Variants in TAFA1 observed in about 807,000 individuals in gnomAD.
TAFA1 encodes the protein chemokine-like protein TAFA-1.
Under a neutral mutation model 18.5 loss-of-function variants are expected in TAFA1, and 4 were observed. That is an observed-to-expected ratio of 0.22 (90% CI 0.11 to 0.49). The LOEUF (loss-of-function observed/expected upper bound fraction) is 0.49. Among genes scored for constraint, TAFA1 ranks in the 20% least tolerant of loss-of-function variants. The pLI is 0.98. For synonymous variants in TAFA1, 56 were observed against 55.2 expected (o/e 1.01, Z -0.06); for missense variants, 147 against 169.0 (o/e 0.87, Z 0.72).
intron 2 of TAFA1, among the ~76,000 whole-genome samples, chr3:68,074,042 G>A (rs1213492646): frequency 6.6e-6 from 1 of 152,146 alleles, no homozygotes; most frequent in African/African-American, 2.4e-5. Context: ...GGAGGCCTGA[G>A]CTTGCTTTCC....
At chr3:68,078,741 A>G (rs371276442) in intron 2 of TAFA1, among the ~76,000 whole-genome samples, 5 of 152,178 alleles carry the variant, frequency 3.3e-5, no homozygotes, top group East Asian at 1.9e-4. Flanking sequence ...TTTTGCATCA[A>G]TGTTCATCAA....
chr3:68,392,880 G>A (rs574274792), intron 2 of TAFA1, among the ~76,000 whole-genome samples: 90 of 152,058 alleles, frequency 5.9e-4, no homozygotes, highest in African/African-American at 1.7e-3. Context: ...AATTTATAGC[G>A]CTAAATGTCC....
chr3:68,111,426 A>T (rs1575621799), intron 2 of TAFA1, among the ~76,000 whole-genome samples: 1 of 152,136 alleles, frequency 6.6e-6, no homozygotes, highest in Admixed American at 6.6e-5. Flanking sequence ...CCAAAGTAAA[A>T]ACTAAAGAAA....
intron 2 of TAFA1, among the ~76,000 whole-genome samples, chr3:68,375,743 T>A (rs2069798451): frequency 3.9e-5 from 6 of 152,206 alleles, no homozygotes; most frequent in Admixed American, 3.9e-4. Flanking sequence ...TGCTACATAG[T>A]TTACATACAC....
intron 3 of TAFA1, among the ~76,000 whole-genome samples, chr3:68,423,976 T>C (rs1262105969): frequency 6.6e-6 from 1 of 152,002 alleles, no homozygotes; most frequent in African/African-American, 2.4e-5. Context: ...CGTCTTATAC[T>C]GGATCACCAG....
chr3:68,132,488 C>A (rs143086953), intron 2 of TAFA1, among the ~76,000 whole-genome samples: 99 of 152,288 alleles, frequency 6.5e-4, no homozygotes, highest in African/African-American at 2.2e-3. Context: ...ATTTACACTC[C>A]CACCAACAGA....
intron 3 of TAFA1, among the ~76,000 whole-genome samples, chr3:68,419,500 T>C (rs2070914634): frequency 6.6e-6 from 1 of 152,166 alleles, no homozygotes. Flanking sequence ...TGTCAAACAA[T>C]GAGTCCAAGG....
intron 2 of TAFA1, among the ~76,000 whole-genome samples, chr3:68,154,303 A>T (rs1210090196): frequency 2.0e-5 from 3 of 152,104 alleles, no homozygotes; most frequent in Non-Finnish European, 2.9e-5. Flanking sequence ...CCCATAATCC[A>T]TTGGCCAGAT....
At chr3:68,426,762 G>A (rs2071063270) in intron 3 of TAFA1, among the ~76,000 whole-genome samples, 1 of 151,758 alleles carries the variant, frequency 6.6e-6, no homozygotes, top group Non-Finnish European at 1.5e-5. Context: ...GCTGTTTCGG[G>A]TACATAATAC....
chr3:68,063,696 G>C (rs1458169103), intron 2 of TAFA1, among the ~76,000 whole-genome samples: 1 of 152,172 alleles, frequency 6.6e-6, no homozygotes, highest in Admixed American at 6.5e-5. Flanking sequence ...CTGCAGACCT[G>C]CAGTCAGATT....
chr3:68,230,345 C>A (rs919114785), intron 2 of TAFA1, among the ~76,000 whole-genome samples: 40 of 150,356 alleles, frequency 2.7e-4, no homozygotes, highest in African/African-American at 8.1e-4. Flanking sequence ...TTTTTTAATC[C>A]CACATATAAG....
At chr3:68,513,003 A>G (rs529816374) in intron 3 of TAFA1, among the ~76,000 whole-genome samples, 32 of 152,196 alleles carry the variant, frequency 2.1e-4, no homozygotes, top group African/African-American at 7.7e-4. Flanking sequence ...ATGGAGGTCC[A>G]TGTTGTGTGT....
chr3:68,373,073 A>G (rs985790856), intron 2 of TAFA1, among the ~76,000 whole-genome samples: 1 of 152,172 alleles, frequency 6.6e-6, no homozygotes, highest in African/African-American at 2.4e-5. Context: ...GAAGACATAG[A>G]TACTGCTTTT....
At chr3:68,317,842 A>G (rs1018292800) in intron 2 of TAFA1, among the ~76,000 whole-genome samples, 2 of 152,070 alleles carry the variant, frequency 1.3e-5, no homozygotes, top group Non-Finnish European at 2.9e-5. Flanking sequence ...GTTTTTATTT[A>G]TTATTTAATG....
In TAFA1 at chr3:68,422,088, C is replaced by A. The variant is rs1266706976; in HGVS notation, c.259+4668C>A. Among the ~76,000 whole-genome samples the A allele has an allele frequency of 2.6e-5, 4 of 152,026 alleles. No individual in the cohort carries two copies. The East Asian group carries it at 7.7e-4, about 29-fold the overall frequency. On this transcript the variant is annotated intron_variant, in intron 3 of 4. Coordinates refer to ENST00000478136, the MANE Select transcript of TAFA1 (RefSeq NM_213609.4). ...AATATATGTCCTTCCAGTCTTACCC[C>A]ACTACTAAAAAGCAAACTCACATTG...
chr3:68,389,992 A>G (rs1461122815), intron 2 of TAFA1, among the ~76,000 whole-genome samples: 20 of 152,050 alleles, frequency 1.3e-4, no homozygotes, highest in Admixed American at 1.2e-3. Context: ...TGGTGCCTGG[A>G]ATGCCAGTGA....
intron 1 of TAFA1, among the ~76,000 whole-genome samples, chr3:68,005,276 G>A (rs1704337711): frequency 6.6e-6 from 1 of 152,164 alleles, no homozygotes. Flanking sequence ...GTATACAAAA[G>A]TAAACAGTGG....
chr3:68,109,191 A>C (rs1450682256), intron 2 of TAFA1, among the ~76,000 whole-genome samples: 1 of 152,124 alleles, frequency 6.6e-6, no homozygotes, highest in Non-Finnish European at 1.5e-5. Flanking sequence ...AAGAAAAAAA[A>C]GGTGTTTTCT....
At chr3:68,033,790 T>A (rs1307724053) in intron 2 of TAFA1, among the ~76,000 whole-genome samples, 1 of 152,236 alleles carries the variant, frequency 6.6e-6, no homozygotes, top group Non-Finnish European at 1.5e-5. Flanking sequence ...GACATCATTA[T>A]CTGCTTATAA....
Sources: allele counts gnomAD v4.1 joint callset (sites outside exome capture counted in the v4.1 genomes callset), GRCh38; gene constraint gnomAD v4.1.1; transcripts MANE v1.5; gene names NCBI Gene and HGNC (gene_info 2026-07-23, HGNC 2026-07-21).